KIAA1958: variants seen among roughly 807,000 people sequenced by gnomAD.
KIAA1958 encodes KIAA1958, also known as uncharacterized protein KIAA1958.
Under a neutral mutation model 47.2 loss-of-function variants are expected in KIAA1958, and 14 were observed. The observed-to-expected ratio is 0.30, with a 90% confidence interval of 0.20 to 0.46. KIAA1958 has a LOEUF of 0.46. Ranked by LOEUF, KIAA1958 falls within the 20% of genes least tolerant of loss-of-function variation. KIAA1958 has a pLI of 1.00. For synonymous variants in KIAA1958, 354 were observed against 353.3 expected, an observed-to-expected ratio of 1.00 and a Z score of -0.02; for missense variants, 803 against 909.2, an observed-to-expected ratio of 0.88 and a Z score of 1.50.
intron 2 of KIAA1958, among the ~76,000 whole-genome samples, chr9:112,641,092 T>C (rs1836881485): frequency 6.6e-6 from 1 of 152,144 alleles, no homozygotes; most frequent in Non-Finnish European, 1.5e-5. Context: ...AAAATAAATG[T>C]TTGCTCCTCA....
At chr9:112,630,052 A>G (rs992073873) in intron 2 of KIAA1958, among the ~76,000 whole-genome samples, 2 of 151,730 alleles carry the variant, frequency 1.3e-5, no homozygotes, top group Admixed American at 1.3e-4. Flanking sequence ...AGATGAGCCA[A>G]GCAGCCCATG....
chr9:112,621,046 A>G (rs1350714749), intron 2 of KIAA1958, among the ~76,000 whole-genome samples: 1 of 141,526 alleles, frequency 7.1e-6, no homozygotes, highest in Non-Finnish European at 1.6e-5. Context: ...GTAGTCTGTC[A>G]TTTCATTCCA....
intron 1 of KIAA1958, among the ~76,000 whole-genome samples, chr9:112,555,087 T>A (rs1324000641): frequency 6.6e-6 from 1 of 152,158 alleles, no homozygotes; most frequent in East Asian, 1.9e-4. Context: ...CAAAGAAAAG[T>A]CTTCTCCCCT....
intron 1 of KIAA1958, among the ~76,000 whole-genome samples, chr9:112,527,142 A>G (rs1244905877): frequency 6.6e-6 from 1 of 152,234 alleles, no homozygotes; most frequent in Non-Finnish European, 1.5e-5. Context: ...ACAATTACTC[A>G]GTGTTTGCAG....
intron 2 of KIAA1958, among the ~76,000 whole-genome samples, chr9:112,590,905 T>C (rs1245417097): frequency 1.3e-5 from 2 of 152,202 alleles, no homozygotes; most frequent in Admixed American, 6.5e-5. Context: ...CACCTTACTG[T>C]CACCCTGACA....
At chr9:112,617,212 G>A (rs182967817) in intron 2 of KIAA1958, among the ~76,000 whole-genome samples, 1 of 152,140 alleles carries the variant, frequency 6.6e-6, no homozygotes, top group Non-Finnish European at 1.5e-5. Flanking sequence ...TGTCTTTATA[G>A]CTATGATGTT....
intron 2 of KIAA1958, among the ~76,000 whole-genome samples, chr9:112,599,582 T>A (rs1274567462): frequency 1.3e-5 from 2 of 152,210 alleles, no homozygotes; most frequent in Non-Finnish European, 2.9e-5. Context: ...TGTATACTAA[T>A]GGAGTCATTA....
At chr9:112,501,253 A>G (rs1053724682) in intron 1 of KIAA1958, among the ~76,000 whole-genome samples, 12 of 152,142 alleles carry the variant, frequency 7.9e-5, no homozygotes, top group Admixed American at 3.3e-4. Flanking sequence ...AGCCTGGGCA[A>G]CAAAGCAAGA....
intron 3 of KIAA1958, among the ~76,000 whole-genome samples, chr9:112,655,010 G>C (rs1403265334): frequency 6.6e-6 from 1 of 152,162 alleles, no homozygotes; most frequent in African/African-American, 2.4e-5. Flanking sequence ...TAATAACAGT[G>C]ATATTCAGTA....
chr9:112,659,751 A>T lies in KIAA1958; in HGVS notation c.1833A>T (p.Arg611Ser). Residue 611 changes from arginine to serine, a missense_variant, in exon 4 of 4, where the codon AGA (arginine) becomes AGT (serine). By Grantham distance (110) the Arg-to-Ser change is moderately radical. Transcript: ENST00000337530. ...GGGAGAGTCGGAGCGGCTCCACCAG[A>T]GTGTGTCACGGGAAGATCTACCATG... ...VKRESRSGST[R>S]VCHGKIYHEH... The T allele has an allele frequency of 6.2e-7, 1 of 1,614,168 alleles. No individual in the cohort carries two copies. The highest frequency in any genetic ancestry group is 8.5e-7 in the Non-Finnish European group (1 of 1,180,028).
Position 112,574,380 on chromosome 9 carries a change from A to G in KIAA1958, c.300A>G (p.Glu100=). Residue 100 remains glutamate, a synonymous_variant, in exon 2 of 4, where the codon GAA becomes GAG. Coordinates refer to ENST00000337530, the MANE Select transcript of KIAA1958 (RefSeq NM_133465.4). ...VPSETQTSPV[E]RYPGRPVKAK... ...CTGAGACACAGACTAGCCCTGTTGA[A>G]AGGTACCCTGGGAGACCAGTGAAAG... 2 of 1,614,134 alleles carry G rather than the reference A, an allele frequency of 1.2e-6. No individual in the cohort carries two copies. The highest frequency in any genetic ancestry group is 1.7e-6 in the Non-Finnish European group (2 of 1,180,008).
intron 2 of KIAA1958, among the ~76,000 whole-genome samples, chr9:112,611,567 G>A (rs1352224003): frequency 1.3e-5 from 2 of 151,682 alleles, no homozygotes; most frequent in Non-Finnish European, 2.9e-5. Context: ...AAATCAAAAA[G>A]CTGTTTGGGA....
At chr9:112,634,373 C>T (rs898239122) in intron 2 of KIAA1958, among the ~76,000 whole-genome samples, 2 of 152,016 alleles carry the variant, frequency 1.3e-5, no homozygotes, top group Admixed American at 6.6e-5. Context: ...GGATTACAGG[C>T]GCACACCACC....
At chr9:112,621,669 G>T (rs1217428358) in intron 2 of KIAA1958, among the ~76,000 whole-genome samples, 1 of 152,156 alleles carries the variant, frequency 6.6e-6, no homozygotes, top group Non-Finnish European at 1.5e-5. Context: ...TAGGAGCATT[G>T]TGACTTTTAG....
intron 1 of KIAA1958, among the ~76,000 whole-genome samples, chr9:112,526,965 G>A (rs1368492637): frequency 4.6e-5 from 7 of 152,214 alleles, no homozygotes; most frequent in African/African-American, 1.7e-4. Context: ...CCTGGGAGGT[G>A]TTTATGATGA....
At position 112,574,694 on chromosome 9, in the gene KIAA1958, A is replaced by G; in HGVS notation, c.614A>G (p.Gln205Arg). The G allele has an allele frequency of 6.2e-7, 1 of 1,614,122 alleles. No homozygotes were observed. The highest frequency in any genetic ancestry group is 8.5e-7 in the Non-Finnish European group (1 of 1,180,024). The change falls in exon 2 of 4, where the codon CAA becomes CGA. Residue 205 changes from glutamine to arginine, a missense_variant. Physicochemically the swap from Gln to Arg is conservative, Grantham distance 43. This residue lies in a region of KIAA1958 where 761 missense variants were observed against 829.3 expected (regional missense o/e 0.92). Coordinates refer to ENST00000337530, the MANE Select transcript of KIAA1958 (RefSeq NM_133465.4). The part of the protein sequence containing the change: ...SNDVIIKKIK[Q>R]EIPEDYYIVA... ...GATGTCATCATCAAGAAAATCAAAC[A>G]AGAAATCCCCGAAGATTATTACATT...
chr9:112,652,331 G>A (rs980119065), intron 3 of KIAA1958, among the ~76,000 whole-genome samples: 85 of 152,150 alleles, frequency 5.6e-4, no homozygotes, highest in Non-Finnish European at 1.0e-4. Context: ...GGTTTCTTGC[G>A]ATGTCTTTAT....
chr9:112,627,595 A>C (rs959508039), intron 2 of KIAA1958, among the ~76,000 whole-genome samples: 2 of 152,118 alleles, frequency 1.3e-5, no homozygotes, highest in African/African-American at 4.8e-5. Flanking sequence ...CTCTACTAAA[A>C]ATACAAAAAT....
chr9:112,563,864 G>GC (rs1267962307), intron 1 of KIAA1958, among the ~76,000 whole-genome samples: 8 of 152,044 alleles, frequency 5.3e-5, no homozygotes, highest in African/African-American at 1.9e-4. Flanking sequence ...TGTAGATTTT[G>GC]TACAGATGCT....
Sources: allele counts gnomAD v4.1 joint callset (sites outside exome capture counted in the v4.1 genomes callset), GRCh38; gene constraint gnomAD v4.1.1; regional missense constraint gnomAD v4.1.1; transcripts MANE v1.5; gene names NCBI Gene and HGNC (gene_info 2026-07-23, HGNC 2026-07-21).